The following SPAG11B variants were observed in gnomAD, a reference collection of about 807,000 sequenced individuals.
The protein encoded by SPAG11B is sperm-associated antigen 11B.
In SPAG11B, 5 loss-of-function variants were observed where a neutral mutation model predicts 8.9. That is an observed-to-expected ratio of 0.56 (90% CI 0.29 to 1.19). The LOEUF (loss-of-function observed/expected upper bound fraction) is 1.19. Ranked by LOEUF, SPAG11B falls within the 50% of genes most tolerant of loss-of-function variation. The pLI is 0.08. For synonymous variants in SPAG11B, 12 were observed against 53.0 expected, an observed-to-expected ratio of 0.23 and a Z score of 3.36; for missense variants, 38 against 146.4, an observed-to-expected ratio of 0.26 and a Z score of 3.82.
chr8:7,452,076 A>G (rs1260882581), intron 2 of SPAG11B, among the ~76,000 whole-genome samples: 159 of 109,136 alleles, frequency 1.5e-3, no homozygotes, highest in African/African-American at 6.2e-3. Context: ...AGACCTTTAT[A>G]ACACTTATTT....
At chr8:7,452,896 T>C (rs1427885045) in intron 2 of SPAG11B, among the ~76,000 whole-genome samples, 2 of 131,828 alleles carry the variant, frequency 1.5e-5, no homozygotes, top group Non-Finnish European at 3.2e-5. Flanking sequence ...ACAACAAGAA[T>C]AGAAAAACAA....
intron 2 of SPAG11B, among the ~76,000 whole-genome samples, chr8:7,452,892 A>G (rs1192970311): frequency 7.1e-6 from 1 of 140,002 alleles, no homozygotes; most frequent in Non-Finnish European, 1.5e-5. Context: ...CACCACAACA[A>G]GAATAGAAAA....
chr8:7,449,588 A>G (rs1585500149), downstream of SPAG11B, among the ~76,000 whole-genome samples: 2 of 150,360 alleles, frequency 1.3e-5, no homozygotes, highest in South Asian at 4.2e-4. Flanking sequence ...GTGCACTTCC[A>G]GAGGTCTGTC....
chr8:7,450,853 C>A lies in SPAG11B; in HGVS notation c.262G>T (p.Gly88Trp), dbSNP rs1433202247. ...TGGCAGAAAAAAAGTCTGCAGATCC[C>A]TTGCTGCATATGGCAGATGGTATTT... ...IRNTICHMQQGICRLFFCHSG... is the reference protein window; with the variant it reads ...IRNTICHMQQWICRLFFCHSG... The change falls in exon 3 of 3, where the codon GGG (glycine) becomes TGG (tryptophan). Residue 88 changes from glycine (G) to tryptophan (W), a missense_variant. Gly to Trp is a radical substitution (Grantham distance 184). Around this residue, in one of 3 missense-constraint regions of SPAG11B, gnomAD observed 29 missense variants for 28.0 expected, o/e 1.03. Transcript: ENST00000398462. The A allele has an allele frequency of 6.3e-7, 1 of 1,584,344 alleles. No homozygotes were observed.
chr8:7,451,286 C>T, intron 2 of SPAG11B: 1 of 1,003,038 alleles, frequency 1.0e-6, no homozygotes, highest in Non-Finnish European at 1.5e-6. Flanking sequence ...AAGGTATTAA[C>T]CCATTCTCAA....
intron 2 of SPAG11B, among the ~76,000 whole-genome samples, chr8:7,452,977 C>A (rs1425679241): frequency 2.0e-5 from 3 of 147,672 alleles, no homozygotes; most frequent in African/African-American, 2.6e-5. Context: ...ACAGAGACAA[C>A]GTACCACATT....
intron 2 of SPAG11B, chr8:7,451,190 G>A: frequency 6.4e-7 from 1 of 1,557,576 alleles, no homozygotes; most frequent in African/African-American, 1.5e-5. Flanking sequence ...CTCCCGGTGA[G>A]AGATGTGCAC....
At chr8:7,451,977 A>T (rs1810215261) in intron 2 of SPAG11B, among the ~76,000 whole-genome samples, 1 of 133,192 alleles carries the variant, frequency 7.5e-6, no homozygotes, top group African/African-American at 3.0e-5. Flanking sequence ...CATTCATATG[A>T]CTATAACTTC....
chr8:7,450,497 AC>A (rs1810048012), downstream of SPAG11B: 1 of 1,004,356 alleles, frequency 1.0e-6, no homozygotes, highest in Non-Finnish European at 1.4e-6. Flanking sequence ...TATTCCCTTG[AC>A]TAGGAAAGGA....
At chr8:7,451,834 T>A (rs1443010147) in intron 2 of SPAG11B, among the ~76,000 whole-genome samples, 1 of 151,682 alleles carries the variant, frequency 6.6e-6, no homozygotes, top group Non-Finnish European at 1.5e-5. Context: ...GGGAATATTA[T>A]AAGTTTGAAG....
At chr8:7,448,201 T>A, downstream of SPAG11B, 1 of 398,972 alleles carries the variant, frequency 2.5e-6, no homozygotes, top group South Asian at 3.4e-5. Context: ...GCCAAGAGAT[T>A]CAGGCCAGAA....
chr8:7,459,054 C>G (rs1810616345), intron 2 of SPAG11B, among the ~76,000 whole-genome samples: 2 of 92,608 alleles, frequency 2.2e-5, no homozygotes, highest in Non-Finnish European at 3.9e-5. Context: ...CAAAATTAGC[C>G]GGGCATGGTG....
At chr8:7,451,147 G>T in intron 2 of SPAG11B, 3 of 1,559,904 alleles carry the variant, frequency 1.9e-6, no homozygotes, top group South Asian at 1.1e-5. Flanking sequence ...GCCCTAAAAA[G>T]TCCACACAGA....
intron 2 of SPAG11B, among the ~76,000 whole-genome samples, chr8:7,457,231 T>C (rs1226773055): frequency 2.7e-5 from 4 of 149,174 alleles, no homozygotes; most frequent in African/African-American, 7.6e-5. Context: ...ATGTCTTTGC[T>C]TATAATTAAG....
In SPAG11B at chr8:7,457,148, A is replaced by G. The variant is rs138376326; in HGVS notation, c.214+5559T>C. Among the ~76,000 whole-genome samples the G allele has an allele frequency of 2.8e-3, 423 of 149,582 alleles. 6 individuals are homozygous for G. The highest frequency in any genetic ancestry group is 9.9e-3 in the African/African-American group (394 of 39,784). ...CGCTATGCAAACAAGGAGTCTTATC[A>G]TCTTACTGCCCAGGAAGCGCTTTCT... On this transcript the variant is annotated intron_variant, in intron 2 of 2. Transcript: ENST00000398462.
At chr8:7,459,898 C>T (rs2128876189) in intron 2 of SPAG11B, among the ~76,000 whole-genome samples, 1 of 51,038 alleles carries the variant, frequency 2.0e-5, no homozygotes, top group Middle Eastern at 6.6e-3. Context: ...GGGTTGACTT[C>T]TGGGTCTGTA....
chr8:7,453,766 T>C lies in SPAG11B; in HGVS notation c.215-2866A>G, dbSNP rs1333814606. Reference sequence around the variant, plus strand: ...GGGGCTGGGTGTTCATTTTGAACTTTCCACCTCTGGAGAGATTAAGCAGGA... The same window carrying C: ...GGGGCTGGGTGTTCATTTTGAACTTCCCACCTCTGGAGAGATTAAGCAGGA... On this transcript the variant is annotated intron_variant, in intron 2 of 2. Coordinates refer to ENST00000398462, the MANE Select transcript of SPAG11B (RefSeq NM_058201.4). 4.7e-5 allele frequency among the ~76,000 whole-genome samples: 7 copies of C among 148,038 alleles called. No homozygotes were observed. The East Asian group carries it at 9.9e-4, about 21-fold the overall frequency.
intron 2 of SPAG11B, among the ~76,000 whole-genome samples, chr8:7,453,191 G>A (rs1308567998): frequency 7.0e-6 from 1 of 143,702 alleles, no homozygotes; most frequent in Non-Finnish European, 1.5e-5. Flanking sequence ...CTGGGGTGCT[G>A]GGAGTTGTGA....
intron 2 of SPAG11B, among the ~76,000 whole-genome samples, chr8:7,458,674 T>TAAA (rs750698777): frequency 1.4e-3 from 117 of 82,312 alleles, no homozygotes; most frequent in African/African-American, 4.8e-3. Context: ...CCAAAAATAG[T>TAAA]AAAAAAAAAA....
Sources: allele counts gnomAD v4.1 joint callset (sites outside exome capture counted in the v4.1 genomes callset), GRCh38; gene constraint gnomAD v4.1.1; regional missense constraint gnomAD v4.1.1; transcripts MANE v1.5; gene names NCBI Gene and HGNC (gene_info 2026-07-23, HGNC 2026-07-21).